The following NHS variants were observed in gnomAD, a reference collection of about 807,000 sequenced individuals.
NHS encodes the protein actin remodeling regulator NHS.
Under a neutral mutation model 72.5 loss-of-function variants are expected in NHS, and 5 were observed. That is an observed-to-expected ratio of 0.07 (90% CI 0.04 to 0.14). The LOEUF (loss-of-function observed/expected upper bound fraction) is 0.14. Ranked by LOEUF, NHS falls within the 10% of genes least tolerant of loss-of-function variation. The pLI is 1.00. For missense variants in NHS, 1,072 were observed against 1,355.7 expected (o/e 0.79, Z 3.29); for synonymous variants, 464 against 547.7 (o/e 0.85, Z 2.13).
intron 1 of NHS, among the ~76,000 whole-genome samples, chrX:17,453,011 C>T (rs2064811981): frequency 8.9e-6 from 1 of 111,983 alleles, no homozygotes; most frequent in African/African-American, 3.2e-5. Flanking sequence ...AGGGGCGGTC[C>T]CTGGATCCCT....
In NHS at chrX:17,505,538, A is replaced by G. The variant is rs371335081; in HGVS notation, c.565+129216A>G. 4.4e-4 allele frequency among the ~76,000 whole-genome samples: 49 copies of G among 111,379 alleles called. 2 individuals carry two copies. In the East Asian group the frequency reaches 0.013, roughly 30 times the overall value. ...TTATATTTGCTGATTTAAAATGACAACTGTCATTTTGATTGTGATTTACTT... is the reference window on the plus strand; with the variant it reads ...TTATATTTGCTGATTTAAAATGACAGCTGTCATTTTGATTGTGATTTACTT... On this transcript the variant is annotated intron_variant, in intron 1 of 8. Transcript: ENST00000676302.
intron 1 of NHS, among the ~76,000 whole-genome samples, chrX:17,442,840 G>A (rs917774804): frequency 1.2e-4 from 14 of 112,400 alleles, no homozygotes; most frequent in South Asian, 3.7e-4. Context: ...AGTTATTCCC[G>A]TGTTTTCTGC....
intron 1 of NHS, among the ~76,000 whole-genome samples, chrX:17,395,111 C>T (rs963011464): frequency 4.6e-5 from 5 of 109,647 alleles, no homozygotes; most frequent in Non-Finnish European, 9.5e-5. Flanking sequence ...TTCCTCCCAT[C>T]ACCACCACCT....
In NHS at chrX:17,379,348, G is replaced by A. The variant is rs185768941; in HGVS notation, c.565+3026G>A. ...GGTAGCTGTAGAGACGGTGAGAAGT[G>A]GTTAGATTCTGAATGCATTTTGGAA... On this transcript the variant is annotated intron_variant, in intron 1 of 8. Transcript: ENST00000676302. 2.7e-5 allele frequency among the ~76,000 whole-genome samples: 3 copies of A among 110,438 alleles called. No individual in the cohort carries two copies. In the East Asian group the frequency reaches 8.6e-4, roughly 32 times the overall value.
At chrX:17,579,450 C>A (rs753739023) in intron 1 of NHS, among the ~76,000 whole-genome samples, 1 of 109,628 alleles carries the variant, frequency 9.1e-6, no homozygotes, top group African/African-American at 3.3e-5. Flanking sequence ...GGATTCCATT[C>A]TCTCTCTCTC....
chrX:17,681,759 G>A (rs761659218), intron 1 of NHS, among the ~76,000 whole-genome samples: 76 of 111,901 alleles, frequency 6.8e-4, no homozygotes, highest in African/African-American at 2.1e-3. Context: ...ATGAAGCATC[G>A]TTTTGTTTTA....
rs551238633 is a variant in NHS at position 17,405,594 on chromosome X, C to T, written c.565+29272C>T. On this transcript the variant is annotated intron_variant, in intron 1 of 8. Coordinates refer to ENST00000676302, the MANE Select transcript of NHS (RefSeq NM_001291867.2). ...AGTCCAGCTCCCAGTGAGGTGCTTT[C>T]CTTCAAATCCAACAGGGAAAGAGAT... Among the ~76,000 whole-genome samples the T allele has an allele frequency of 2.8e-4, 31 of 112,156 alleles. 1 individual carries two copies. In the South Asian group the frequency reaches 0.011, roughly 38 times the overall value.
chrX:17,644,511 A>G (rs1195842806), intron 1 of NHS, among the ~76,000 whole-genome samples: 1 of 111,218 alleles, frequency 9.0e-6, no homozygotes, highest in Non-Finnish European at 1.9e-5. Flanking sequence ...GGTGATTTAG[A>G]TATCTCCCTT....
intron 1 of NHS, among the ~76,000 whole-genome samples, chrX:17,661,414 C>T (rs1032697485): frequency 1.8e-5 from 2 of 110,131 alleles, no homozygotes; most frequent in Non-Finnish European, 3.8e-5. Flanking sequence ...TAATGCTATC[C>T]CTCTCCCCTT....
chrX:17,447,404 T>C (rs781093395), intron 1 of NHS, among the ~76,000 whole-genome samples: 2 of 111,270 alleles, frequency 1.8e-5, no homozygotes, highest in South Asian at 7.6e-4. Flanking sequence ...TGATTTTTTT[T>C]TTCCCCCCTC....
intron 1 of NHS, among the ~76,000 whole-genome samples, chrX:17,537,772 G>A (rs917954481): frequency 2.5e-4 from 28 of 112,023 alleles, no homozygotes; most frequent in Non-Finnish European, 7.5e-5. Flanking sequence ...GACCCGCCAG[G>A]CTGATGTCAG....
At chrX:17,669,337 A>G (rs1029992116) in intron 1 of NHS, among the ~76,000 whole-genome samples, 1 of 112,146 alleles carries the variant, frequency 8.9e-6, no homozygotes, top group African/African-American at 3.2e-5. Context: ...TCCTCAGCAC[A>G]TGAAAGAGTG....
chrX:17,726,296 T>C lies in NHS; in HGVS notation c.2190T>C (p.His730=), dbSNP rs1178253259. 1 of 1,211,781 alleles carries C rather than the reference T, an allele frequency of 8.3e-7. No individual in the cohort carries two copies. The highest frequency in any genetic ancestry group is 1.1e-6 in the Non-Finnish European group (1 of 895,502). ...DSEWNYLHHH[H]DASCRQDFSP... ...AGTGGAATTACCTACACCACCACCA[T>C]GATGCCTCCTGCCGCCAGGATTTTA... The change falls in exon 7 of 9, where the codon CAT becomes CAC. Residue 730 remains histidine (H), a synonymous_variant. Transcript: ENST00000676302.
intron 1 of NHS, among the ~76,000 whole-genome samples, chrX:17,507,708 C>T (rs921607742): frequency 8.9e-5 from 10 of 112,286 alleles, no homozygotes; most frequent in Non-Finnish European, 1.9e-4. Flanking sequence ...TTGCCCAAGA[C>T]ATAGACAAAA....
At chrX:17,511,421 A>G (rs1761700190) in intron 1 of NHS, among the ~76,000 whole-genome samples, 1 of 111,396 alleles carries the variant, frequency 9.0e-6, no homozygotes, top group South Asian at 3.8e-4. Flanking sequence ...GAACTAGTGT[A>G]TTATTTGTTT....
At chrX:17,718,682 G>A (rs2066382768) in intron 3 of NHS, among the ~76,000 whole-genome samples, 1 of 89,988 alleles carries the variant, frequency 1.1e-5, no homozygotes, top group South Asian at 6.9e-4. Flanking sequence ...AAGAAGGAAA[G>A]CAAAAAGGAA....
At chrX:17,453,334 C>A (rs2064813634) in intron 1 of NHS, among the ~76,000 whole-genome samples, 1 of 111,855 alleles carries the variant, frequency 8.9e-6, no homozygotes, top group Non-Finnish European at 1.9e-5. Flanking sequence ...AAAATGACAT[C>A]TTTAGTTTCA....
intron 1 of NHS, among the ~76,000 whole-genome samples, chrX:17,470,063 G>T (rs1254700809): frequency 1.8e-5 from 2 of 111,307 alleles, no homozygotes; most frequent in African/African-American, 6.5e-5. Flanking sequence ...GTGGATTGAT[G>T]TACGTGGGGG....
intron 3 of NHS, among the ~76,000 whole-genome samples, chrX:17,703,101 C>T (rs2066275864): frequency 9.2e-6 from 1 of 109,203 alleles, no homozygotes; most frequent in Non-Finnish European, 1.9e-5. Context: ...AGACCTCTGT[C>T]TATAAGAAAA....
Sources: gnomAD v4.1 joint callset for allele counts (sites outside exome capture counted in the v4.1 genomes callset) on GRCh38, gnomAD v4.1.1 for gene constraint, MANE v1.5 for transcripts, NCBI Gene and HGNC (gene_info 2026-07-23, HGNC 2026-07-21) for gene names.